The following ANK2 variants were observed in gnomAD, a reference collection of about 807,000 sequenced individuals.
ANK2 encodes the protein ankyrin 2.
Under a neutral mutation model 360.5 loss-of-function variants are expected in ANK2, and 83 were observed. The ratio of observed to expected loss-of-function variants is 0.23; its 90% CI spans 0.19 to 0.28. The LOEUF is 0.28. ANK2 is among the 10% of genes least tolerant of loss of function. ANK2 has a pLI of 1.00. For synonymous variants in ANK2, 1,740 were observed against 1,759.5 expected, an observed-to-expected ratio of 0.99 and a Z score of 0.28; for missense variants, 4,201 against 4,795.7, an observed-to-expected ratio of 0.88 and a Z score of 3.66.
chr4:113,234,155 C>T (rs540385433), intron 5 of ANK2, among the ~76,000 whole-genome samples: 6 of 152,308 alleles, frequency 3.9e-5, no homozygotes, highest in Admixed American at 6.5e-5. Context: ...AGCTCGCTGG[C>T]ATTCCCAGCT....
intron 1 of ANK2, among the ~76,000 whole-genome samples, chr4:113,131,436 C>G (rs544831565): frequency 6.6e-6 from 1 of 152,312 alleles, no homozygotes; most frequent in Admixed American, 6.5e-5. Context: ...TGGGAATAGG[C>G]TGCATTACTG....
intron 1 of ANK2, among the ~76,000 whole-genome samples, chr4:113,123,429 C>G (rs1420080969): frequency 6.6e-6 from 1 of 152,174 alleles, no homozygotes; most frequent in African/African-American, 2.4e-5. Flanking sequence ...TTATATTTTT[C>G]CATTATGCCA....
At chr4:113,237,220 G>T in intron 6 of ANK2, 48 bp downstream of exon 6, 1 of 1,570,562 alleles carries the variant, frequency 6.4e-7, no homozygotes, top group South Asian at 1.1e-5. Flanking sequence ...TTGGCTGCCA[G>T]ACTCCTCCTG....
chr4:113,237,678 CA>C, intron 7 of ANK2, 56 bp downstream of exon 7: 4 of 1,463,340 alleles, frequency 2.7e-6, no homozygotes, highest in Non-Finnish European at 3.8e-6. Flanking sequence ...AGTTTTTGCC[CA>C]ATTGGAATAA....
chr4:113,281,690 A>G (rs190124970), intron 17 of ANK2, among the ~76,000 whole-genome samples: 1 of 152,342 alleles, frequency 6.6e-6, no homozygotes, highest in Non-Finnish European at 1.5e-5. Context: ...CGGATTTGAT[A>G]AAGAAAAGGA....
chr4:112,986,230 A>G (rs759906055), intron 2 of ANK2, among the ~76,000 whole-genome samples: 1 of 151,858 alleles, frequency 6.6e-6, no homozygotes, highest in African/African-American at 2.4e-5. Flanking sequence ...CTATATATGA[A>G]CAGCCAAATT....
chr4:112,790,816 G>A, the ANK2 span, among the ~76,000 whole-genome samples: 1 of 152,066 alleles, frequency 6.6e-6, no homozygotes, highest in African/African-American at 2.4e-5. Flanking sequence ...GGGCTTCAAA[G>A]GTGGGGAGAA....
At chr4:113,341,298 C>A in intron 32 of ANK2, among the ~76,000 whole-genome samples, 1 of 152,134 alleles carries the variant, frequency 6.6e-6, no homozygotes. Flanking sequence ...AAATAGAAAA[C>A]TATGCAGTGA....
intron 1 of ANK2, among the ~76,000 whole-genome samples, chr4:113,083,179 ATTG>A (rs2083102726): frequency 6.6e-6 from 1 of 151,874 alleles, no homozygotes; most frequent in Non-Finnish European, 1.5e-5. Context: ...GGTGTGCTGC[ATTG>A]TTGTTTTATT....
intron 5 of ANK2, among the ~76,000 whole-genome samples, chr4:113,233,290 ACG>A (rs2099343992): frequency 6.8e-6 from 1 of 147,820 alleles, no homozygotes; most frequent in Non-Finnish European, 1.5e-5. Context: ...GCCCGCCACT[ACG>A]CCCGGCTAAT....
chr4:113,292,608 T>C, intron 21 of ANK2, 94 bp downstream of exon 21: 1 of 1,317,214 alleles, frequency 7.6e-7, no homozygotes, highest in African/African-American at 1.5e-5. Context: ...GTCAGATTCC[T>C]CCTCTTTAAA....
chr4:113,332,171 C>T (rs2092621121), intron 28 of ANK2, 101 bp downstream of exon 28: 9 of 1,046,962 alleles, frequency 8.6e-6, no homozygotes, highest in South Asian at 3.8e-5. Context: ...CATGACATGT[C>T]CCTTTCTATG....
At chr4:113,308,526 A>G (rs2078325530) in intron 23 of ANK2, among the ~76,000 whole-genome samples, 2 of 152,220 alleles carry the variant, frequency 1.3e-5, no homozygotes, top group African/African-American at 4.8e-5. Context: ...AAATATCAAC[A>G]TTTAAGAGAA....
intron 4 of ANK2, among the ~76,000 whole-genome samples, chr4:113,200,943 G>A (rs532028882): frequency 6.6e-6 from 1 of 152,148 alleles, no homozygotes; most frequent in South Asian, 2.1e-4. Flanking sequence ...TGTAGATGAC[G>A]GGTTGATGGG....
intron 14 of ANK2, among the ~76,000 whole-genome samples, chr4:113,272,012 T>C (rs1169631276): frequency 6.6e-6 from 1 of 152,224 alleles, no homozygotes; most frequent in Non-Finnish European, 1.5e-5. Flanking sequence ...TGGCATTTGC[T>C]TTAGGGATCG....
chr4:112,706,054 C>T, the ANK2 span, among the ~76,000 whole-genome samples: 2 of 150,786 alleles, frequency 1.3e-5, no homozygotes, highest in Admixed American at 1.3e-4. Context: ...AGACTCCGGG[C>T]GGGCGCGGGC....
chr4:112,761,411 G>A, the ANK2 span, among the ~76,000 whole-genome samples: 2 of 152,038 alleles, frequency 1.3e-5, no homozygotes, highest in African/African-American at 4.8e-5. Context: ...ACGAGGTTAG[G>A]AGATCGAGAC....
the ANK2 span, among the ~76,000 whole-genome samples, chr4:112,796,112 TA>T: frequency 2.6e-5 from 4 of 152,088 alleles, no homozygotes; most frequent in Non-Finnish European, 5.9e-5. Context: ...GATGAATTTT[TA>T]AAAAAATTGT....
intron 2 of ANK2, among the ~76,000 whole-genome samples, chr4:112,934,470 CCTTT>C (rs1318434451): frequency 1.3e-5 from 2 of 152,116 alleles, no homozygotes; most frequent in South Asian, 2.1e-4. Context: ...TCTCCTAATT[CCTTT>C]CTATTTGAAT....
Sources: allele counts gnomAD v4.1 joint callset (sites outside exome capture counted in the v4.1 genomes callset), GRCh38; gene constraint gnomAD v4.1.1; transcripts MANE v1.5; gene names NCBI Gene and HGNC (gene_info 2026-07-23, HGNC 2026-07-21).